TOM1L2: variants seen among roughly 807,000 people sequenced by gnomAD.
TOM1L2 encodes the protein TOM1-like protein 2.
Under a neutral mutation model 67.9 loss-of-function variants are expected in TOM1L2, and 31 were observed. The observed-to-expected ratio is 0.46, with a 90% confidence interval of 0.34 to 0.62. The LOEUF is 0.62. Ranked by LOEUF, TOM1L2 falls within the 20% of genes least tolerant of loss-of-function variation. TOM1L2 has a pLI of 0.01. For missense variants in TOM1L2, 606 were observed against 663.5 expected, an observed-to-expected ratio of 0.91 and a Z score of 0.95; for synonymous variants, 256 against 254.0, an observed-to-expected ratio of 1.01 and a Z score of -0.07.
chr17:17,889,523 G>A (rs1465131206), intron 4 of TOM1L2, among the ~76,000 whole-genome samples: 1 of 152,172 alleles, frequency 6.6e-6, no homozygotes, highest in East Asian at 1.9e-4. Flanking sequence ...GGCAACCAAA[G>A]GGGCAGTGGG....
At chr17:17,851,249 C>T (rs1343564656) in intron 12 of TOM1L2, 1 of 432,142 alleles carries the variant, frequency 2.3e-6, no homozygotes, top group African/African-American at 2.0e-5. Flanking sequence ...TATGAGTGTC[C>T]ACTCTCACAT....
At chr17:17,920,591 G>C (rs1270417306) in intron 1 of TOM1L2, among the ~76,000 whole-genome samples, 2 of 149,668 alleles carry the variant, frequency 1.3e-5, no homozygotes, top group Non-Finnish European at 3.0e-5. Context: ...ACCCGCCTTG[G>C]CCTCCCAAAG....
intron 1 of TOM1L2, among the ~76,000 whole-genome samples, chr17:17,957,218 C>A (rs1444296560): frequency 6.6e-6 from 1 of 152,200 alleles, no homozygotes; most frequent in Non-Finnish European, 1.5e-5. Flanking sequence ...TGGCCTCAAG[C>A]AATCCTCCTG....
chr17:17,871,458 T>C (rs978023595), intron 7 of TOM1L2, among the ~76,000 whole-genome samples: 18 of 152,146 alleles, frequency 1.2e-4, no homozygotes, highest in Non-Finnish European at 2.2e-4. Flanking sequence ...TCACTTGAGG[T>C]CAGGAGTTTG....
chr17:17,937,721 A>C (rs1244776949), intron 1 of TOM1L2, among the ~76,000 whole-genome samples: 1 of 152,212 alleles, frequency 6.6e-6, no homozygotes, highest in Non-Finnish European at 1.5e-5. Context: ...GGAATGAGAA[A>C]GTGCAAGGAT....
chr17:17,909,152 A>AC (rs1185019945), intron 1 of TOM1L2, among the ~76,000 whole-genome samples: 2 of 152,148 alleles, frequency 1.3e-5, no homozygotes, highest in Non-Finnish European at 2.9e-5. Context: ...CTGCATTCCA[A>AC]CCCGGGCGAC....
intron 3 of TOM1L2, among the ~76,000 whole-genome samples, chr17:17,895,892 A>G (rs1274542177): frequency 1.3e-5 from 2 of 152,222 alleles, no homozygotes; most frequent in African/African-American, 4.8e-5. Flanking sequence ...CTAGGAGGCC[A>G]AAGCTGGGAC....
rs370509140 is a variant in TOM1L2 at position 17,920,883 on chromosome 17, G to A, written c.53-13352C>T. The stretch of plus-strand genomic sequence containing the variant: ...ACTCCTGACCTCAGGTGATCCACCC[G>A]CCTCAGCCTTCAAAGTGCTGGGATT... On this transcript the variant is annotated intron_variant, in intron 1 of 14. Coordinates refer to ENST00000379504, the MANE Select transcript of TOM1L2 (RefSeq NM_001082968.2). Among the ~76,000 whole-genome samples, 7 of 152,208 alleles carry A rather than the reference G, an allele frequency of 4.6e-5. No homozygotes were observed. In the East Asian group the frequency reaches 9.7e-4, roughly 21 times the overall value.
At chr17:17,951,321 A>C (rs867185955) in intron 1 of TOM1L2, among the ~76,000 whole-genome samples, 8 of 152,204 alleles carry the variant, frequency 5.3e-5, no homozygotes, top group Non-Finnish European at 8.8e-5. Context: ...ACAGAATCAT[A>C]CTTCTCTGTT....
chr17:17,910,703 G>T (rs1174834144), intron 1 of TOM1L2, among the ~76,000 whole-genome samples: 1 of 152,088 alleles, frequency 6.6e-6, no homozygotes, highest in Non-Finnish European at 1.5e-5. Context: ...CCGAGTAGCT[G>T]GGATTACAGG....
chr17:17,924,102 A>G (rs768984648), intron 1 of TOM1L2, among the ~76,000 whole-genome samples: 1 of 152,216 alleles, frequency 6.6e-6, no homozygotes, highest in Non-Finnish European at 1.5e-5. Context: ...GCGCCACTGC[A>G]CTCCAGAATG....
At position 17,929,317 on chromosome 17, in the gene TOM1L2, G is replaced by T. The variant is rs8078001; in HGVS notation, c.53-21786C>A. On this transcript the variant is annotated intron_variant, in intron 1 of 14. Coordinates refer to ENST00000379504, the MANE Select transcript of TOM1L2 (RefSeq NM_001082968.2). ...CTGCTTTGAGCAGCAGGCTTTGGGT[G>T]GGTGAGAGGGGTTGATAGGGATATT... 8.3e-3 allele frequency among the ~76,000 whole-genome samples: 1,266 copies of T among 152,252 alleles called. 19 individuals are homozygous for T. Among genetic ancestry groups the T allele is most frequent in the African/African-American group, 0.029 (1,220 of 41,564 alleles).
intron 12 of TOM1L2, among the ~76,000 whole-genome samples, chr17:17,853,095 C>G (rs1373367815): frequency 6.6e-6 from 1 of 152,196 alleles, no homozygotes; most frequent in Admixed American, 6.5e-5. Flanking sequence ...GGCAGGCCTT[C>G]TGCCTTGAGA....
chr17:17,881,723 A>G (rs2037732729), intron 6 of TOM1L2, among the ~76,000 whole-genome samples: 1 of 152,188 alleles, frequency 6.6e-6, no homozygotes, highest in Non-Finnish European at 1.5e-5. Flanking sequence ...TGAGCAGCAG[A>G]GCTGGGGGCT....
chr17:17,967,647 TTCAGGCTGGAGTGCAAATGGCACGA>T (rs2041918652), intron 1 of TOM1L2, among the ~76,000 whole-genome samples: 1 of 152,164 alleles, frequency 6.6e-6, no homozygotes, highest in South Asian at 2.1e-4. Context: ...CGCTCTGTCA[TTCAGGCTGGAGTGCAAATGGCACGA>T]TCTCGGCTCA....
intron 1 of TOM1L2, among the ~76,000 whole-genome samples, chr17:17,933,089 A>G (rs903305324): frequency 2.0e-5 from 3 of 152,200 alleles, no homozygotes; most frequent in African/African-American, 7.2e-5. Flanking sequence ...CAGGCAGTAT[A>G]GAGCTGGAGT....
At chr17:17,895,085 G>A (rs182949495) in intron 3 of TOM1L2, among the ~76,000 whole-genome samples, 44 of 152,276 alleles carry the variant, frequency 2.9e-4, no homozygotes, top group Non-Finnish European at 1.3e-4. Context: ...GAAGGCTGCT[G>A]TACACACGAC....
chr17:17,935,389 C>G (rs1598367907), intron 1 of TOM1L2, among the ~76,000 whole-genome samples: 1 of 152,206 alleles, frequency 6.6e-6, no homozygotes, highest in East Asian at 1.9e-4. Context: ...TTGTTAAGAA[C>G]TCCTTGATTT....
intron 1 of TOM1L2, among the ~76,000 whole-genome samples, chr17:17,968,023 A>C (rs1286361982): frequency 2.0e-5 from 3 of 152,210 alleles, no homozygotes; most frequent in African/African-American, 7.2e-5. Flanking sequence ...TTAGCCGCTA[A>C]CTTGAGATGA....
Sources: gnomAD v4.1 joint callset for allele counts (sites outside exome capture counted in the v4.1 genomes callset) on GRCh38, gnomAD v4.1.1 for gene constraint, MANE v1.5 for transcripts, NCBI Gene and HGNC (gene_info 2026-07-23, HGNC 2026-07-21) for gene names.